DPH6: variants seen among roughly 807,000 people sequenced by gnomAD.
DPH6 encodes diphthine--ammonia ligase.
A neutral mutation model predicts 38.2 loss-of-function variants in DPH6; 33 were observed. The observed-to-expected ratio is 0.86, with a 90% CI of 0.65 to 1.15. The LOEUF is 1.15. Among genes scored for constraint, DPH6 ranks in the 50% most tolerant of loss-of-function variants. The pLI, the probability that DPH6 is intolerant of heterozygous loss-of-function variation, is 0.00. For missense variants in DPH6, 325 were observed against 320.0 expected (o/e 1.02, Z -0.12); for synonymous variants, 108 against 103.0 (o/e 1.05, Z -0.30).
chr15:35,394,230 C>A (rs997230003), intron 6 of DPH6, among the ~76,000 whole-genome samples: 1 of 152,110 alleles, frequency 6.6e-6, no homozygotes, highest in Non-Finnish European at 1.5e-5. Flanking sequence ...AATACTATCA[C>A]TACTAATTAA....
chr15:35,198,478 G>T, the DPH6 span, among the ~76,000 whole-genome samples: 1 of 152,176 alleles, frequency 6.6e-6, no homozygotes, highest in East Asian at 1.9e-4. Flanking sequence ...CTTGCTTAAA[G>T]GTCTCTGGAG....
chr15:35,468,790 G>A (rs954592104), intron 3 of DPH6, among the ~76,000 whole-genome samples: 3 of 152,046 alleles, frequency 2.0e-5, no homozygotes, highest in Non-Finnish European at 4.4e-5. Context: ...GGCAGAGGCT[G>A]GGCGCGGTGG....
chr15:35,353,254 C>G (rs2052531115), intron 3 of DPH6, among the ~76,000 whole-genome samples: 1 of 152,116 alleles, frequency 6.6e-6, no homozygotes, highest in Non-Finnish European at 1.5e-5. Context: ...ATGGTAGTTT[C>G]TTTTGCTGTG....
At chr15:35,380,002 GA>G (rs916443899) in intron 7 of DPH6, among the ~76,000 whole-genome samples, 10 of 146,840 alleles carry the variant, frequency 6.8e-5, no homozygotes, top group Middle Eastern at 3.4e-3. Context: ...AGCCTATGAA[GA>G]AAAAAAAAAG....
intron 3 of DPH6, among the ~76,000 whole-genome samples, chr15:35,256,894 G>A (rs1474370521): frequency 6.6e-6 from 1 of 152,222 alleles, no homozygotes; most frequent in Non-Finnish European, 1.5e-5. Flanking sequence ...TAATGGTTTT[G>A]ACTTTATCAT....
At chr15:35,434,454 T>C (rs2053670853) in intron 5 of DPH6, among the ~76,000 whole-genome samples, 1 of 151,952 alleles carries the variant, frequency 6.6e-6, no homozygotes, top group Non-Finnish European at 1.5e-5. Context: ...ATTGATGACA[T>C]AAAATGAATA....
At chr15:35,401,418 C>T (rs1370619500) in intron 6 of DPH6, 52 of 768,118 alleles carry the variant, frequency 6.8e-5, no homozygotes, top group East Asian at 5.4e-4. Flanking sequence ...ATGGAGGAAG[C>T]GGCCCTGGTT....
At chr15:35,401,118 T>C in intron 6 of DPH6, 1 of 927,662 alleles carries the variant, frequency 1.1e-6, no homozygotes, top group Non-Finnish European at 1.8e-6. Flanking sequence ...TTGATGACCA[T>C]GACTTTGTGG....
At chr15:35,528,714 C>T (rs1247964618) in intron 3 of DPH6, among the ~76,000 whole-genome samples, 4 of 152,138 alleles carry the variant, frequency 2.6e-5, no homozygotes, top group Non-Finnish European at 5.9e-5. Flanking sequence ...AATGTAATAG[C>T]CTAGCATACG....
At chr15:35,165,413 A>G in the DPH6 span, among the ~76,000 whole-genome samples, 3 of 151,912 alleles carry the variant, frequency 2.0e-5, no homozygotes, top group Non-Finnish European at 4.4e-5. Context: ...CCATATAAAA[A>G]TTTGCTGAAG....
chr15:35,147,861 T>C, the DPH6 span, among the ~76,000 whole-genome samples: 1 of 152,204 alleles, frequency 6.6e-6, no homozygotes, highest in South Asian at 2.1e-4. Flanking sequence ...AATGCTTGCC[T>C]TGATGCCTTT....
At chr15:35,212,231 T>C in the DPH6 span, among the ~76,000 whole-genome samples, 1 of 152,060 alleles carries the variant, frequency 6.6e-6, no homozygotes, top group Non-Finnish European at 1.5e-5. Context: ...ACTTTTTTTT[T>C]TGGAGGGGGG....
intron 6 of DPH6, among the ~76,000 whole-genome samples, chr15:35,393,715 G>A (rs1404114068): frequency 6.6e-6 from 1 of 152,130 alleles, no homozygotes. Context: ...AAGAATGGAG[G>A]GAGGTCAGAA....
At chr15:35,152,385 T>C in the DPH6 span, among the ~76,000 whole-genome samples, 1 of 152,126 alleles carries the variant, frequency 6.6e-6, no homozygotes, top group African/African-American at 2.4e-5. Flanking sequence ...AAAAAAACTC[T>C]GAAAATTTTA....
chr15:35,463,795 T>C (rs148969379), intron 3 of DPH6, among the ~76,000 whole-genome samples: 1 of 152,176 alleles, frequency 6.6e-6, no homozygotes, highest in Admixed American at 6.5e-5. Context: ...TGGATATATA[T>C]ATATACACAT....
At chr15:35,307,784 C>T (rs566196911) in intron 3 of DPH6, among the ~76,000 whole-genome samples, 14 of 151,906 alleles carry the variant, frequency 9.2e-5, no homozygotes, top group Admixed American at 4.6e-4. Flanking sequence ...TATATACAAA[C>T]ACACACACAC....
intron 3 of DPH6, among the ~76,000 whole-genome samples, chr15:35,316,607 T>G (rs1433902272): frequency 1.3e-5 from 2 of 152,130 alleles, no homozygotes; most frequent in Non-Finnish European, 2.9e-5. Context: ...GAAAAGATTA[T>G]AGCTATATAG....
intron 3 of DPH6, among the ~76,000 whole-genome samples, chr15:35,532,785 A>C (rs1183185675): frequency 6.6e-6 from 1 of 151,896 alleles, no homozygotes; most frequent in Non-Finnish European, 1.5e-5. Flanking sequence ...GGAAGAAGGG[A>C]GGGAGGGAAG....
At chr15:35,438,931 T>A (rs2053750493) in intron 5 of DPH6, among the ~76,000 whole-genome samples, 1 of 152,228 alleles carries the variant, frequency 6.6e-6, no homozygotes, top group African/African-American at 2.4e-5. Context: ...TAAAAATTAA[T>A]CTTGCAAAAG....
Sources: allele counts gnomAD v4.1 joint callset (sites outside exome capture counted in the v4.1 genomes callset), GRCh38; gene constraint gnomAD v4.1.1; transcripts MANE v1.5; gene names NCBI Gene and HGNC (gene_info 2026-07-23, HGNC 2026-07-21).